The following DCDC2 variants were observed in gnomAD, a reference collection of about 807,000 sequenced individuals.
DCDC2 encodes doublecortin domain containing 2.
In DCDC2, 40 loss-of-function variants were observed where a neutral mutation model predicts 50.2. The ratio of observed to expected loss-of-function variants is 0.80; its 90% confidence interval spans 0.62 to 1.04. The LOEUF (loss-of-function observed/expected upper bound fraction) is 1.04, where lower values mean the gene tolerates loss of function less well. Among genes scored for constraint, DCDC2 ranks in the 50% least tolerant of loss-of-function variants. DCDC2 has a pLI of 0.00. For missense variants in DCDC2, 570 were observed against 581.9 expected (o/e 0.98, Z 0.21); for synonymous variants, 234 against 210.6 (o/e 1.11, Z -0.96).
intron 2 of DCDC2, among the ~76,000 whole-genome samples, chr6:24,343,241 G>A (rs1362316529): frequency 1.3e-5 from 2 of 151,762 alleles, no homozygotes; most frequent in Non-Finnish European, 2.9e-5. Context: ...TAGTAGAGAC[G>A]GGTTTCACCG....
intron 7 of DCDC2, among the ~76,000 whole-genome samples, chr6:24,213,746 T>G (rs1299538179): frequency 1.3e-5 from 2 of 151,920 alleles, no homozygotes; most frequent in Non-Finnish European, 2.9e-5. Flanking sequence ...AGTAATGAGG[T>G]AGAGAGGAAG....
chr6:24,363,142 T>C, the DCDC2 span, among the ~76,000 whole-genome samples: 1 of 152,124 alleles, frequency 6.6e-6, no homozygotes, highest in Non-Finnish European at 1.5e-5. Flanking sequence ...ATGAAAGGCA[T>C]TGAGAATGAG....
intron 7 of DCDC2, among the ~76,000 whole-genome samples, chr6:24,232,178 C>T (rs1762351119): frequency 1.3e-5 from 2 of 152,100 alleles, no homozygotes; most frequent in Non-Finnish European, 1.5e-5. Context: ...TGCACTCAAG[C>T]AATGTTTTTA....
intron 4 of DCDC2, among the ~76,000 whole-genome samples, chr6:24,294,070 A>G (rs976208817): frequency 6.6e-6 from 1 of 152,326 alleles, no homozygotes; most frequent in African/African-American, 2.4e-5. Context: ...CCCACATCAA[A>G]AAGTTGCCTG....
rs1280807320 is a variant in DCDC2, at chr6:24,357,793, G to T, written c.-43C>A. 1 of 1,611,660 alleles carries T rather than the reference G, an allele frequency of 6.2e-7. No homozygotes were observed. The highest frequency in any genetic ancestry group is 1.7e-5 in the Admixed American group (1 of 59,934). ...GCCTCAGCTCGCTGCTTCGCGTCGGGAGGCACCTCCGCTGTCCCAGCGGCC... is the reference window on the plus strand; with the variant it reads ...GCCTCAGCTCGCTGCTTCGCGTCGGTAGGCACCTCCGCTGTCCCAGCGGCC... On this transcript the variant is annotated 5_prime_UTR_variant, in exon 1 of 10. Coordinates refer to ENST00000378454, the MANE Select transcript of DCDC2 (RefSeq NM_016356.5).
In DCDC2 at chr6:24,289,953, G is replaced by T. The variant is rs1763702982; in HGVS notation, c.704+979C>A. On this transcript the variant is annotated intron_variant, in intron 5 of 9. Transcript: ENST00000378454. Reference sequence around the variant, plus strand: ...CATGAGCAAGCCGAGAGATCCTGCAGCATGGGCCAGAGCTCTTCTTTTTTT... The same window carrying T: ...CATGAGCAAGCCGAGAGATCCTGCATCATGGGCCAGAGCTCTTCTTTTTTT... Among the ~76,000 whole-genome samples the T allele has an allele frequency of 6.4e-5, 9 of 140,326 alleles. 1 individual carries two copies. In the South Asian group the frequency reaches 2.2e-3, roughly 35 times the overall value. The allele number at this position is 140,326 out of a possible 152,430, so 92.1% of individuals were successfully genotyped here.
In DCDC2 at chr6:24,291,037, T is replaced by G; in HGVS notation, c.599A>C (p.Glu200Ala). Residue 200 changes from glutamate (E) to alanine (A), a missense_variant, in exon 5 of 10, where the codon GAG becomes GCG. Coordinates refer to ENST00000378454, the MANE Select transcript of DCDC2 (RefSeq NM_016356.5). ...LEGKLVESGA[E>A]LENGQFYVAV... is the part of the protein sequence containing the mutation. ...CACATAAAACTGCCCATTCTCCAAC[T>G]CTGCTCCACTCTCAACAAGTTTTCC... 1 of 1,613,878 alleles carries G rather than the reference T, an allele frequency of 6.2e-7. No individual in the cohort carries two copies. Among genetic ancestry groups the G allele is most frequent in the Non-Finnish European group, 8.5e-7 (1 of 1,179,924 alleles).
the DCDC2 span, among the ~76,000 whole-genome samples, chr6:24,379,595 G>C: frequency 6.6e-6 from 1 of 152,318 alleles, no homozygotes; most frequent in Non-Finnish European, 1.5e-5. Context: ...GTTGGTGGAA[G>C]TGTAAATTAG....
At chr6:24,286,048 G>C (rs1004093480) in intron 6 of DCDC2, among the ~76,000 whole-genome samples, 1 of 152,138 alleles carries the variant, frequency 6.6e-6, no homozygotes, top group African/African-American at 2.4e-5. Flanking sequence ...CTTTATAGTT[G>C]CTCTGATATT....
At chr6:24,329,120 G>A (rs76521518) in intron 2 of DCDC2, among the ~76,000 whole-genome samples, 6,065 of 152,156 alleles carry the variant, frequency 0.04, 170 homozygotes, top group Non-Finnish European at 0.062. Context: ...AAGCATTTAG[G>A]TAAAAAATGA....
At chr6:24,378,506 C>T in the DCDC2 span, among the ~76,000 whole-genome samples, 1 of 152,054 alleles carries the variant, frequency 6.6e-6, no homozygotes, top group South Asian at 2.1e-4. Context: ...AATTTGGAGG[C>T]ATGATATATA....
chr6:24,332,589 C>CAGG (rs1561778145), intron 2 of DCDC2, among the ~76,000 whole-genome samples: 1 of 152,144 alleles, frequency 6.6e-6, no homozygotes, highest in Non-Finnish European at 1.5e-5. Flanking sequence ...TCCTGACACA[C>CAGG]AGGAATCCAG....
chr6:24,221,684 C>A (rs1740975620), intron 7 of DCDC2, among the ~76,000 whole-genome samples: 1 of 152,206 alleles, frequency 6.6e-6, no homozygotes, highest in African/African-American at 2.4e-5. Flanking sequence ...CGTGCTAAGT[C>A]CTTGCCTCAC....
Position 24,290,972 on chromosome 6 carries a change from C to T in DCDC2, c.664G>A (p.Glu222Lys). Residue 222 changes from glutamate to lysine, a missense_variant, in exon 5 of 10, where the codon GAG (glutamate) becomes AAG (lysine). Transcript: ENST00000378454. ...RDKFKKLPYS[E>K]LLFDKSTMRR... ...ATCGTTGACTTGTCAAAAAGTAACT[C>T]ACTGTAAGGCAGTTTCTTAAACTTA... The T allele has an allele frequency of 1.2e-6, 2 of 1,613,862 alleles. No individual in the cohort carries two copies. The highest frequency in any genetic ancestry group is 1.7e-6 in the Non-Finnish European group (2 of 1,179,888).
chr6:24,286,683 C>T (rs1763616491), intron 6 of DCDC2, among the ~76,000 whole-genome samples: 1 of 152,030 alleles, frequency 6.6e-6, no homozygotes, highest in Non-Finnish European at 1.5e-5. Flanking sequence ...GCTTGCAGCA[C>T]ACTTTCAACT....
chr6:24,189,872 T>G (rs1761278894), intron 8 of DCDC2, among the ~76,000 whole-genome samples: 1 of 152,164 alleles, frequency 6.6e-6, no homozygotes, highest in Non-Finnish European at 1.5e-5. Flanking sequence ...AAGATATTTC[T>G]GTGGATTTTA....
intron 7 of DCDC2, among the ~76,000 whole-genome samples, chr6:24,245,455 C>G (rs1249452140): frequency 2.6e-5 from 4 of 152,160 alleles, no homozygotes; most frequent in African/African-American, 9.7e-5. Flanking sequence ...AAAACTTCAA[C>G]CATGTACTGT....
intron 8 of DCDC2, among the ~76,000 whole-genome samples, chr6:24,182,925 G>A (rs760023921): frequency 1.3e-5 from 2 of 152,140 alleles, no homozygotes; most frequent in African/African-American, 2.4e-5. Flanking sequence ...AAAGATGAGT[G>A]GATAATCAAA....
chr6:24,304,453 A>C (rs1759434598), intron 2 of DCDC2, among the ~76,000 whole-genome samples: 1 of 152,242 alleles, frequency 6.6e-6, no homozygotes, highest in Non-Finnish European at 1.5e-5. Flanking sequence ...ATTGCACTCC[A>C]GCCTGGGCAA....
Sources: gnomAD v4.1 joint callset for allele counts (sites outside exome capture counted in the v4.1 genomes callset) on GRCh38, gnomAD v4.1.1 for gene constraint, MANE v1.5 for transcripts, NCBI Gene and HGNC (gene_info 2026-07-23, HGNC 2026-07-21) for gene names.